The following ELOVL5 variants were observed in gnomAD, a reference collection of about 807,000 sequenced individuals.
ELOVL5 encodes the protein very long chain fatty acid elongase 5.
In ELOVL5, 8 loss-of-function variants were observed where a neutral mutation model predicts 38.6. The observed-to-expected ratio is 0.21, with a 90% CI of 0.12 to 0.37. The LOEUF is 0.37. Among genes scored for constraint, ELOVL5 ranks in the 10% least tolerant of loss-of-function variants. The probability of loss-of-function intolerance (pLI) is 1.00; values close to 1 mark genes in which losing one functional copy is unlikely to be tolerated. For synonymous variants in ELOVL5, 127 were observed against 133.7 expected, an observed-to-expected ratio of 0.95 and a Z score of 0.34; for missense variants, 280 against 367.8, an observed-to-expected ratio of 0.76 and a Z score of 1.95.
At chr6:53,332,193 T>A (rs1255930804) in intron 1 of ELOVL5, among the ~76,000 whole-genome samples, 1 of 152,144 alleles carries the variant, frequency 6.6e-6, no homozygotes, top group African/African-American at 2.4e-5. Context: ...ACTACATCAA[T>A]AACTAGAAAT....
chr6:53,294,181 G>T (rs901418602), intron 2 of ELOVL5: 3 of 1,454,044 alleles, frequency 2.1e-6, no homozygotes, highest in Non-Finnish European at 2.7e-6. Flanking sequence ...CTCCCACACC[G>T]CACAGTGCTT....
chr6:53,306,908 A>C (rs570455547), intron 1 of ELOVL5, among the ~76,000 whole-genome samples: 5 of 152,360 alleles, frequency 3.3e-5, no homozygotes, highest in Admixed American at 1.3e-4. Context: ...AGTTGGACTT[A>C]GAACTCCACT....
intron 1 of ELOVL5, among the ~76,000 whole-genome samples, chr6:53,331,023 G>C (rs984295663): frequency 1.3e-5 from 2 of 151,688 alleles, no homozygotes; most frequent in African/African-American, 4.8e-5. Context: ...TTATTTTTTG[G>C]TTAAGTAGGA....
intron 3 of ELOVL5, among the ~76,000 whole-genome samples, chr6:53,288,866 G>A (rs1243800744): frequency 6.6e-6 from 1 of 152,140 alleles, no homozygotes; most frequent in East Asian, 1.9e-4. Flanking sequence ...AAGAGTTCAA[G>A]ACTAGCCTGG....
chr6:53,324,672 C>CAAAAAAAAAAAAAA (rs200304234), intron 1 of ELOVL5, among the ~76,000 whole-genome samples: 2 of 80,380 alleles, frequency 2.5e-5, no homozygotes, highest in African/African-American at 1.6e-4. Context: ...GAGATCCTGT[C>CAAAAAAAAAAAAAA]AAAAAAAAAA....
intron 3 of ELOVL5, among the ~76,000 whole-genome samples, chr6:53,289,719 AAAAC>A (rs1048361804): frequency 2.0e-5 from 3 of 152,232 alleles, no homozygotes; most frequent in African/African-American, 4.8e-5. Context: ...AAACTGTCTC[AAAAC>A]AAACAAACAG....
intron 1 of ELOVL5, among the ~76,000 whole-genome samples, chr6:53,347,962 CT>C (rs1769635890): frequency 6.6e-6 from 1 of 151,958 alleles, no homozygotes; most frequent in South Asian, 2.1e-4. Context: ...TAAAAAGGCA[CT>C]TTTCCTTACA....
chr6:53,312,139 A>G (rs1273100808), intron 1 of ELOVL5, among the ~76,000 whole-genome samples: 1 of 152,238 alleles, frequency 6.6e-6, no homozygotes, highest in Non-Finnish European at 1.5e-5. Flanking sequence ...TCTGCTACAG[A>G]AATTATAGTA....
chr6:53,329,905 C>T (rs944240332), intron 1 of ELOVL5, among the ~76,000 whole-genome samples: 3 of 152,126 alleles, frequency 2.0e-5, no homozygotes, highest in Non-Finnish European at 2.9e-5. Context: ...AAAAACTGCA[C>T]GTAGAATTTT....
At chr6:53,345,130 A>G (rs1160773570) in intron 1 of ELOVL5, among the ~76,000 whole-genome samples, 1 of 152,182 alleles carries the variant, frequency 6.6e-6, no homozygotes, top group African/African-American at 2.4e-5. Flanking sequence ...GCCTAAGTCA[A>G]TCACCTTAAG....
At chr6:53,301,243 G>A (rs1405492626) in intron 1 of ELOVL5, among the ~76,000 whole-genome samples, 1 of 152,126 alleles carries the variant, frequency 6.6e-6, no homozygotes, top group Non-Finnish European at 1.5e-5. Context: ...TCTGAGCTAC[G>A]GTGGGCCAAT....
At position 53,291,879 on chromosome 6, in the gene ELOVL5, A is replaced by T; in HGVS notation, c.143T>A (p.Leu48Gln). Reference sequence around the variant, plus strand: ...TTTATTCCTCATGTATTTTGGTCCCAGCCATACAATTAGTAAATATATGAC... The same window carrying T: ...TTTATTCCTCATGTATTTTGGTCCCTGCCATACAATTAGTAAATATATGAC... ...CSVIYLLIVW[L>Q]GPKYMRNKQP... is the part of the protein sequence containing the mutation. Residue 48 changes from leucine to glutamine, a missense_variant, in exon 3 of 8, where the codon CTG becomes CAG. By Grantham distance (113) the Leu-to-Gln change is moderately radical. Coordinates refer to ENST00000304434, the MANE Select transcript of ELOVL5 (RefSeq NM_021814.5). The T allele has an allele frequency of 1.2e-6, 2 of 1,613,648 alleles. No individual in the cohort carries two copies. The highest frequency in any genetic ancestry group is 1.7e-6 in the Non-Finnish European group (2 of 1,179,574).
Position 53,299,544 on chromosome 6 carries a change from A to G in ELOVL5, c.-8-3837T>C, listed in dbSNP as rs180725292. On this transcript the variant is annotated intron_variant, in intron 1 of 7. Transcript: ENST00000304434. ...CAATTTGAGAATCTAGGCTAACATCACGGCAACAGAAAAGCAGCTTGATTA... is the reference window on the plus strand; with the variant it reads ...CAATTTGAGAATCTAGGCTAACATCGCGGCAACAGAAAAGCAGCTTGATTA... Among the ~76,000 whole-genome samples the G allele has an allele frequency of 4.4e-3, 666 of 152,348 alleles. 8 individuals carry two copies. The highest frequency in any genetic ancestry group is 0.015 in the African/African-American group (643 of 41,578).
chr6:53,348,883 G>C lies in ELOVL5; in HGVS notation c.-75C>G, dbSNP rs1396085725. 6.6e-6 allele frequency: 3 copies of C among 455,288 alleles called. No individual in the cohort carries two copies. The highest frequency in any genetic ancestry group is 3.1e-5 in the South Asian group (2 of 64,964). The allele number at this position is 455,288 out of a possible 1,614,324, so 28.2% of individuals were successfully genotyped here. The stretch of plus-strand genomic sequence containing the variant: ...GGCGGCGGCGGCGGAGGGAGCGCGG[G>C]TGGCAGCCGGCGCAGAGGCGGATGT... On this transcript the variant is annotated 5_prime_UTR_variant, in exon 1 of 8. Coordinates refer to ENST00000304434, the MANE Select transcript of ELOVL5 (RefSeq NM_021814.5).
At chr6:53,292,760 C>T (rs1345499027) in intron 2 of ELOVL5, among the ~76,000 whole-genome samples, 1 of 152,208 alleles carries the variant, frequency 6.6e-6, no homozygotes, top group Admixed American at 6.5e-5. Flanking sequence ...CACTGCACCC[C>T]AGCGTGGGCA....
intron 3 of ELOVL5, among the ~76,000 whole-genome samples, chr6:53,289,396 G>C (rs946231477): frequency 6.6e-6 from 1 of 152,122 alleles, no homozygotes; most frequent in African/African-American, 2.4e-5. Context: ...CTGTGTCTTA[G>C]CATTCAATGG....
Position 53,269,174 on chromosome 6 carries a change from A to G in ELOVL5, c.853T>C (p.Ser285Pro), listed in dbSNP as rs777371611. The change falls in exon 8 of 8, where the codon TCA becomes CCA. Residue 285 changes from serine (S) to proline (P), a missense_variant. Transcript: ENST00000304434. ...AAVNGHTNSF[S>P]PLENNVKPRK... Reference sequence around the variant, plus strand: ...GGCTTCACATTGTTTTCCAGGGGTGAAAAGCTGTTGGTGTGTCCATTCACA... The same window carrying G: ...GGCTTCACATTGTTTTCCAGGGGTGGAAAGCTGTTGGTGTGTCCATTCACA... The G allele has an allele frequency of 2.5e-6, 4 of 1,613,878 alleles. No individual in the cohort carries two copies. The African/African-American group carries it at 5.3e-5, about 22-fold the overall frequency.
At chr6:53,324,252 CAAAAAAA>C (rs59453946) in intron 1 of ELOVL5, among the ~76,000 whole-genome samples, 1 of 110,370 alleles carries the variant, frequency 9.1e-6, no homozygotes. Flanking sequence ...GACTCTACCT[CAAAAAAA>C]AAAAAAAAAA....
At chr6:53,304,681 G>A (rs1236047256) in intron 1 of ELOVL5, among the ~76,000 whole-genome samples, 2 of 152,078 alleles carry the variant, frequency 1.3e-5, no homozygotes, top group South Asian at 2.1e-4. Context: ...ATCTTGCACC[G>A]CCCTTAATCC....
Sources: allele counts gnomAD v4.1 joint callset (sites outside exome capture counted in the v4.1 genomes callset), GRCh38; gene constraint gnomAD v4.1.1; transcripts MANE v1.5; gene names NCBI Gene and HGNC (gene_info 2026-07-23, HGNC 2026-07-21).